LLGL1: variants seen among roughly 807,000 people sequenced by gnomAD.
LLGL1 encodes the protein LLGL scribble cell polarity complex component 1.
In LLGL1, 58 loss-of-function variants were observed where a neutral mutation model predicts 110.6. The observed-to-expected ratio is 0.52, with a 90% CI of 0.42 to 0.65. LLGL1 has a LOEUF of 0.65. LLGL1 is among the 30% of genes least tolerant of loss of function. The pLI is 0.00. For synonymous variants in LLGL1, 674 were observed against 607.2 expected (o/e 1.11, Z -1.62); for missense variants, 1,229 against 1,462.1 (o/e 0.84, Z 2.60).
In LLGL1 at chr17:18,237,681, C is replaced by T; in HGVS notation, c.1812C>T (p.Val604=). The T allele has an allele frequency of 1.2e-6, 2 of 1,612,890 alleles. No homozygotes were observed. Among genetic ancestry groups the T allele is most frequent in the South Asian group, 1.1e-5 (1 of 91,054 alleles). ...TGCCGCCAGCTGCTGTAACCGCTGT[C>T]ACACTCCACACCGAGTGGAGCCTCG... ...QCLPPAAVTA[V]TLHTEWSLVA... The change falls in exon 14 of 23, where the codon GTC becomes GTT. Residue 604 remains valine, a synonymous_variant. Coordinates refer to ENST00000316843, the MANE Select transcript of LLGL1 (RefSeq NM_004140.4).
Position 18,244,632 on chromosome 17 carries a change from C to T in LLGL1, c.*726C>T, listed in dbSNP as rs1474757269. The T allele has an allele frequency of 6.7e-6, 1 of 149,984 alleles. No homozygotes were observed. The highest frequency in any genetic ancestry group is 1.4e-5 in the Non-Finnish European group (1 of 69,310). 9.3% of individuals were successfully genotyped at this position (149,984 alleles called of 1,614,324 possible). On this transcript the variant is annotated 3_prime_UTR_variant, in exon 23 of 23. Transcript: ENST00000316843. Reference sequence around the variant, plus strand: ...ACCTGCTTCTGGGCCAGTCCCCAGCCTGTCATGAGTGTGTGTGTGCGGGCA... The same window carrying T: ...ACCTGCTTCTGGGCCAGTCCCCAGCTTGTCATGAGTGTGTGTGTGCGGGCA...
intron 1 of LLGL1, among the ~76,000 whole-genome samples, chr17:18,228,228 G>T (rs950771745): frequency 1.3e-5 from 2 of 152,266 alleles, no homozygotes; most frequent in African/African-American, 4.8e-5. Context: ...GGGCGAGGGG[G>T]TGAGAGGTGT....
chr17:18,237,800 G>A, intron 14 of LLGL1, 27 bp downstream of exon 14: 1 of 1,582,564 alleles, frequency 6.3e-7, no homozygotes, highest in Non-Finnish European at 8.6e-7. Flanking sequence ...CGGCTGGGCA[G>A]TTGGAGCCCC....
intron 2 of LLGL1, among the ~76,000 whole-genome samples, chr17:18,230,378 C>T (rs1374783078): frequency 1.3e-5 from 2 of 152,174 alleles, no homozygotes; most frequent in African/African-American, 4.8e-5. Context: ...GGCTATGATA[C>T]CCATGGAGGG....
In LLGL1 at chr17:18,241,837, G is replaced by T. The variant is rs777875721; in HGVS notation, c.2768-48G>T. 4 of 1,604,028 alleles carry T rather than the reference G, an allele frequency of 2.5e-6. No homozygotes were observed. The Admixed American group carries it at 6.7e-5, about 27-fold the overall frequency. On this transcript the variant is annotated intron_variant, in intron 18 of 22. Transcript: ENST00000316843. ...CAGGCCCAGGCCACGGAGGAGCTGT[G>T]GTTGGTGGTATCTTCTAACTGCACT...
In LLGL1 at chr17:18,240,946, C is replaced by T. The variant is rs1287551299; in HGVS notation, c.2502+73C>T. On this transcript the variant is annotated intron_variant, in intron 17 of 22. Transcript: ENST00000316843. The surrounding 1 kb of genome is among the most constrained non-coding windows in gnomAD (Gnocchi z 5.3). ...CCCCAACCTCATGGACACCATTGGA[C>T]CCTCAAGAAACCCTTCCTGCCTGTA... The T allele has an allele frequency of 7.1e-7, 1 of 1,406,020 alleles. No homozygotes were observed. Among genetic ancestry groups the T allele is most frequent in the African/African-American group, 1.4e-5 (1 of 69,168 alleles). 87.1% of individuals were successfully genotyped at this position (1,406,020 alleles called of 1,614,324 possible). A position where few individuals can be genotyped will look rare whatever the true frequency, so the allele number is the denominator to read the frequency against.
rs2047421827 is a variant in LLGL1 at position 18,225,745 on chromosome 17, G to A, written c.63G>A (p.Glu21=). ...ADPQREKLKQ[E]LFAFNKTVEH... is the part of the protein sequence containing the mutation. ...CGCAGCGCGAGAAGCTCAAGCAGGA[G>A]CTTTTCGCCTTCAACAAGGTGCGGC... The change falls in exon 1 of 23, where the codon GAG becomes GAA. Residue 21 remains glutamate, a synonymous_variant. Transcript: ENST00000316843. The A allele has an allele frequency of 6.7e-6, 7 of 1,044,594 alleles. No individual in the cohort carries two copies. Among genetic ancestry groups the A allele is most frequent in the Non-Finnish European group, 8.1e-6 (7 of 859,194 alleles). 64.7% of individuals were successfully genotyped at this position (1,044,594 alleles called of 1,614,324 possible). A position where few individuals can be genotyped will look rare whatever the true frequency, so the allele number is the denominator to read the frequency against.
chr17:18,235,774 C>T (rs1042966599), intron 11 of LLGL1: 3 of 541,932 alleles, frequency 5.5e-6, no homozygotes, highest in Non-Finnish European at 3.3e-6. Context: ...GGGCTCCACC[C>T]GCCCAGCCTG....
chr17:18,229,913 A>G (rs1260061210), intron 1 of LLGL1, 28 bp from the exon 2 acceptor site: 6 of 1,535,190 alleles, frequency 3.9e-6, no homozygotes, highest in Non-Finnish European at 4.4e-6. Context: ...GGGAGTGCTT[A>G]CCCCCAGCAG....
In LLGL1 at chr17:18,242,541, C is replaced by T. The variant is rs377496629; in HGVS notation, c.3029C>T (p.Pro1010Leu). 7 of 1,613,930 alleles carry T rather than the reference C, an allele frequency of 4.3e-6. No individual in the cohort carries two copies. The highest frequency in any genetic ancestry group is 2.2e-5 in the East Asian group (1 of 44,892). ...TPEPPEAALS[P>L]MSIDSATSAD... ...GAGCCACCCGAGGCTGCACTCTCAC[C>T]CATGTCCATCGACTCAGCCACCAGT... Residue 1010 changes from proline (P) to leucine (L), a missense_variant, in exon 21 of 23, where the codon CCC (proline) becomes CTC (leucine). Coordinates refer to ENST00000316843, the MANE Select transcript of LLGL1 (RefSeq NM_004140.4).
intron 4 of LLGL1, 41 bp from the exon 5 acceptor site, chr17:18,233,737 A>T: frequency 6.3e-7 from 1 of 1,578,138 alleles, no homozygotes; most frequent in Non-Finnish European, 8.6e-7. Flanking sequence ...GAGCAGGTGG[A>T]TGGGCTTGTA....
Position 18,241,608 on chromosome 17 carries a change from T to C in LLGL1, c.2660T>C (p.Val887Ala), listed in dbSNP as rs1376913641. ...GCCTGCCTCACCAACCTGGGTGACGTCCACGTCTTCTCGGTGCCTGGCCTG... is the reference window on the plus strand; with the variant it reads ...GCCTGCCTCACCAACCTGGGTGACGCCCACGTCTTCTCGGTGCCTGGCCTG... ...CLACLTNLGD[V>A]HVFSVPGLRP... The change falls in exon 18 of 23, where the codon GTC (valine) becomes GCC (alanine). Residue 887 changes from valine to alanine, a missense_variant. Val to Ala is a moderately conservative substitution (Grantham distance 64, BLOSUM62 0). Coordinates refer to ENST00000316843, the MANE Select transcript of LLGL1 (RefSeq NM_004140.4). 1.2e-6 allele frequency: 2 copies of C among 1,613,570 alleles called. No homozygotes were observed. The highest frequency in any genetic ancestry group is 2.7e-5 in the African/African-American group (2 of 74,926).
Position 18,238,124 on chromosome 17 carries a change from GTC to G in LLGL1, c.1967_1968del (p.Leu656GlnfsTer24), listed in dbSNP as rs749514072. ...AMEGPLSRVK[S>X]LKKSLRQSFR... ...TGGAGGGTCCGCTCTCCCGGGTGAA[GTC>G]TCTCAAGAAGTCACTGCGCCAGTCT... On this transcript the variant is annotated frameshift_variant, in exon 15 of 23. Coordinates refer to ENST00000316843, the MANE Select transcript of LLGL1 (RefSeq NM_004140.4). 2.5e-6 allele frequency: 4 copies of G among 1,613,882 alleles called. No homozygotes were observed. Among genetic ancestry groups the G allele is most frequent in the Non-Finnish European group, 3.4e-6 (4 of 1,180,018 alleles).
chr17:18,244,061 G>A lies in LLGL1; in HGVS notation c.*155G>A, dbSNP rs1415049893. 1.3e-5 allele frequency: 2 copies of A among 152,320 alleles called. No homozygotes were observed. The highest frequency in any genetic ancestry group is 2.9e-5 in the Non-Finnish European group (2 of 68,174). 9.4% of individuals were successfully genotyped at this position (152,320 alleles called of 1,614,324 possible). On this transcript the variant is annotated 3_prime_UTR_variant, in exon 23 of 23. Transcript: ENST00000316843. Reference sequence around the variant, plus strand: ...CCTGTCCCGCCTGACCCTGGGCCCTGGAGCAGCACCAGCCCCAGGGTGTGG... The same window carrying A: ...CCTGTCCCGCCTGACCCTGGGCCCTAGAGCAGCACCAGCCCCAGGGTGTGG...
chr17:18,244,168 T>TG lies in LLGL1; in HGVS notation c.*266dup, dbSNP rs770126305. ...CCCACTGCCTAGGGAAGAGGACAGG[T>TG]GGGGCCCAGCACCTGTGCCACCTCC... On this transcript the variant is annotated 3_prime_UTR_variant, in exon 23 of 23. Transcript: ENST00000316843. 3 of 151,876 alleles carry TG rather than the reference T, an allele frequency of 2.0e-5. No individual in the cohort carries two copies. The highest frequency in any genetic ancestry group is 4.4e-5 in the Non-Finnish European group (3 of 68,012). 9.4% of individuals were successfully genotyped at this position (151,876 alleles called of 1,614,324 possible).
chr17:18,225,767 C>A lies in LLGL1; in HGVS notation c.81+4C>A. 1 of 945,876 alleles carries A rather than the reference C, an allele frequency of 1.1e-6. No homozygotes were observed. Among genetic ancestry groups the A allele is most frequent in the South Asian group, 3.8e-5 (1 of 26,024 alleles). The allele number at this position is 945,876 out of a possible 1,614,324, so 58.6% of individuals were successfully genotyped here. A position where few individuals can be genotyped will look rare whatever the true frequency, so the allele number is the denominator to read the frequency against. On this transcript the variant is annotated splice_donor_region_variant and intron_variant, in intron 1 of 22. Coordinates refer to ENST00000316843, the MANE Select transcript of LLGL1 (RefSeq NM_004140.4). ...GGAGCTTTTCGCCTTCAACAAGGTG[C>A]GGCGGCGGCCCGGGCCCGGGCTCGG...
chr17:18,227,090 G>T (rs2047460258), intron 1 of LLGL1, among the ~76,000 whole-genome samples: 1 of 152,200 alleles, frequency 6.6e-6, no homozygotes, highest in Non-Finnish European at 1.5e-5. Flanking sequence ...AGGCGCCCTG[G>T]GCTGCCTTGA....
At chr17:18,242,041 A>G (rs769467231) in intron 19 of LLGL1, 42 bp downstream of exon 19, 2 of 1,569,220 alleles carry the variant, frequency 1.3e-6, no homozygotes, top group East Asian at 2.2e-5. Flanking sequence ...ACCTGTGCCC[A>G]GGGCCAGGTC....
intron 2 of LLGL1, among the ~76,000 whole-genome samples, chr17:18,230,410 T>C (rs1190203637): frequency 7.9e-5 from 12 of 152,092 alleles, no homozygotes; most frequent in Non-Finnish European, 1.5e-5. Context: ...CTGGGGGCCC[T>C]GGTGAGCTGA....
Sources: gnomAD v4.1 joint callset for allele counts (sites outside exome capture counted in the v4.1 genomes callset) on GRCh38, gnomAD v4.1.1 for gene constraint, Gnocchi (gnomAD v3.1) non-coding constraint, MANE v1.5 for transcripts, NCBI Gene and HGNC (gene_info 2026-07-23, HGNC 2026-07-21) for gene names.